The following GATAD1 variants were observed in gnomAD, a reference collection of about 807,000 sequenced individuals.
The protein encoded by GATAD1 is GATA zinc finger domain containing 1, also known as GATA zinc finger domain-containing protein 1.
A neutral mutation model predicts 26.5 loss-of-function variants in GATAD1; 12 were observed. The observed-to-expected ratio is 0.45, with a 90% CI of 0.29 to 0.73. The LOEUF is 0.73. Among genes scored for constraint, GATAD1 ranks in the 30% least tolerant of loss-of-function variants. The pLI is 0.10. For synonymous variants in GATAD1, 129 were observed against 133.1 expected (o/e 0.97, Z 0.21); for missense variants, 266 against 342.1 (o/e 0.78, Z 1.75).
Position 92,454,654 on chromosome 7 carries a change from A to T in GATAD1, c.588A>T (p.Arg196Ser). ...TCATTCCTACCCTCTCTAGCCCCAGAGACCAATTTGATCCCGCCTCCTATA... is the reference window on the plus strand; with the variant it reads ...TCATTCCTACCCTCTCTAGCCCCAGTGACCAATTTGATCCCGCCTCCTATA... ...TWLIPTLSSP[R>S]DQFDPASYII... The change falls in exon 4 of 5, where the codon AGA becomes AGT. Residue 196 changes from arginine (R) to serine (S), a missense_variant. By Grantham distance (110) the Arg-to-Ser change is moderately radical. Transcript: ENST00000287957. 6.2e-7 allele frequency: 1 copy of T among 1,602,076 alleles called. No homozygotes were observed. The highest frequency in any genetic ancestry group is 1.1e-5 in the South Asian group (1 of 87,870).
the GATAD1 span, chr7:92,494,262 G>A: frequency 6.8e-7 from 1 of 1,470,558 alleles, no homozygotes. Context: ...AGCATTTGTT[G>A]GGTTTTGGAC....
chr7:92,482,813 G>A, the GATAD1 span, among the ~76,000 whole-genome samples: 1 of 152,140 alleles, frequency 6.6e-6, no homozygotes, highest in African/African-American at 2.4e-5. Flanking sequence ...ATAAAAGAAT[G>A]TTGTCCAAGT....
rs948968239 is a variant in GATAD1, at chr7:92,447,535, TGCGGAGCCG to T, written c.-189_-181del. On this transcript the variant is annotated 5_prime_UTR_variant, in exon 1 of 5. Transcript: ENST00000287957. ...GGGCCAGGGAATCCTGGCCTCCGCC[TGCGGAGCCG>T]GCGGAACCCGCTTCCCGCCTCCACG... 8 of 568,306 alleles carry T rather than the reference TGCGGAGCCG, an allele frequency of 1.4e-5. No individual in the cohort carries two copies. Among genetic ancestry groups the T allele is most frequent in the African/African-American group, 7.9e-5 (4 of 50,344 alleles). 35.2% of individuals were successfully genotyped at this position (568,306 alleles called of 1,614,324 possible). A position where few individuals can be genotyped will look rare whatever the true frequency, so the allele number is the denominator to read the frequency against.
chr7:92,467,460 A>G, the GATAD1 span, among the ~76,000 whole-genome samples: 3 of 152,254 alleles, frequency 2.0e-5, no homozygotes, highest in African/African-American at 4.8e-5. Context: ...TTAAATTCAT[A>G]TTTATCTTTA....
Position 92,448,797 on chromosome 7 carries a change from A to G in GATAD1, c.295A>G (p.Lys99Glu). The change falls in exon 2 of 5, where the codon AAA becomes GAA. Residue 99 changes from lysine to glutamate, a missense_variant. Coordinates refer to ENST00000287957, the MANE Select transcript of GATAD1 (RefSeq NM_021167.5). The part of the protein sequence containing the change: ...HRRSARLRNT[K>E]YKSAPAAEKK... ...GAGGTCTGCTCGGCTCAGAAACACTAAATACAAATCTGCTCCGGCTGCTGA... is the reference window on the plus strand; with the variant it reads ...GAGGTCTGCTCGGCTCAGAAACACTGAATACAAATCTGCTCCGGCTGCTGA... 1 of 1,610,362 alleles carries G rather than the reference A, an allele frequency of 6.2e-7. No individual in the cohort carries two copies. The highest frequency in any genetic ancestry group is 8.5e-7 in the Non-Finnish European group (1 of 1,176,486).
chr7:92,486,555 C>T, the GATAD1 span, among the ~76,000 whole-genome samples: 19 of 152,132 alleles, frequency 1.2e-4, no homozygotes, highest in African/African-American at 4.6e-4. Context: ...TTTCTATCCC[C>T]TGGGATTCTG....
chr7:92,478,965 GTACATGAATGA>G, the GATAD1 span, among the ~76,000 whole-genome samples: 1 of 152,078 alleles, frequency 6.6e-6, no homozygotes, highest in Non-Finnish European at 1.5e-5. Flanking sequence ...TTTTTGCGGG[GTACATGAATGA>G]TACACCTGGT....
intron 2 of GATAD1, chr7:92,449,358 A>G (rs776108734): frequency 6.2e-6 from 6 of 963,952 alleles, no homozygotes; most frequent in Admixed American, 6.1e-5. Flanking sequence ...TTTGATGAAT[A>G]TGAGTCAAAA....
the GATAD1 span, among the ~76,000 whole-genome samples, chr7:92,481,059 G>A: frequency 1.3e-5 from 2 of 152,162 alleles, no homozygotes; most frequent in South Asian, 2.1e-4. Context: ...GTAGTGGAGG[G>A]GGGCAGAGCA....
the GATAD1 span, chr7:92,490,110 A>G: frequency 1.7e-6 from 1 of 597,808 alleles, no homozygotes; most frequent in South Asian, 2.0e-5. Flanking sequence ...GTGTTATAGA[A>G]CCACCATCAA....
At chr7:92,454,899 C>T (rs1789604263) in intron 4 of GATAD1, among the ~76,000 whole-genome samples, 1 of 151,984 alleles carries the variant, frequency 6.6e-6, no homozygotes, top group Non-Finnish European at 1.5e-5. Flanking sequence ...TTCTTCCTGG[C>T]ATATAGATGG....
chr7:92,489,883 G>T, the GATAD1 span: 1 of 1,614,004 alleles, frequency 6.2e-7, no homozygotes, highest in African/African-American at 1.3e-5. Context: ...CTGAGTCATG[G>T]AGCTTGGTGC....
chr7:92,476,059 A>G, the GATAD1 span, among the ~76,000 whole-genome samples: 1 of 152,190 alleles, frequency 6.6e-6, no homozygotes, highest in African/African-American at 2.4e-5. Flanking sequence ...GGGAGGAACC[A>G]TCTATCGTCC....
At chr7:92,449,683 T>C in intron 2 of GATAD1, 1 of 866,198 alleles carries the variant, frequency 1.2e-6, no homozygotes, top group Non-Finnish European at 1.4e-6. Flanking sequence ...CTTTTTTTTT[T>C]TTTAATTTAA....
chr7:92,452,544 A>G (rs1335603980), intron 3 of GATAD1, among the ~76,000 whole-genome samples: 3 of 152,170 alleles, frequency 2.0e-5, no homozygotes, highest in African/African-American at 7.2e-5. Flanking sequence ...GCAGTGGCAG[A>G]ACAACTCCAT....
the GATAD1 span, among the ~76,000 whole-genome samples, chr7:92,495,145 C>G: frequency 6.6e-6 from 1 of 152,104 alleles, no homozygotes; most frequent in African/African-American, 2.4e-5. Context: ...TAAGGGCTCT[C>G]TATAAAATAT....
the GATAD1 span, among the ~76,000 whole-genome samples, chr7:92,488,365 A>G: frequency 1.3e-5 from 2 of 152,206 alleles, no homozygotes; most frequent in African/African-American, 4.8e-5. Flanking sequence ...GTACACATAC[A>G]TACATACTTC....
In GATAD1 at chr7:92,447,599, C is replaced by T. The variant is rs905248727; in HGVS notation, c.-131C>T. On this transcript the variant is annotated 5_prime_UTR_variant, in exon 1 of 5. Coordinates refer to ENST00000287957, the MANE Select transcript of GATAD1 (RefSeq NM_021167.5). ...AGCGCCAGCGGCCTGGTCCTTTCAC[C>T]GGCAGCTCCGTGCCGACGCTCTCAC... 4.2e-5 allele frequency: 52 copies of T among 1,224,090 alleles called. No individual in the cohort carries two copies. Among genetic ancestry groups the T allele is most frequent in the Non-Finnish European group, 5.0e-5 (48 of 955,908 alleles). 75.8% of individuals were successfully genotyped at this position (1,224,090 alleles called of 1,614,324 possible).
rs974329921 is a variant in GATAD1, at chr7:92,458,795, A to G, written c.*2233A>G. 1 of 152,224 alleles carries G rather than the reference A, an allele frequency of 6.6e-6. No homozygotes were observed. Among genetic ancestry groups the G allele is most frequent in the Non-Finnish European group, 1.5e-5 (1 of 68,040 alleles). 9.4% of individuals were successfully genotyped at this position (152,224 alleles called of 1,614,324 possible). On this transcript the variant is annotated 3_prime_UTR_variant, in exon 5 of 5. Transcript: ENST00000287957. ...ATTGTAAATAACTTTCTAAGTGCCAATATTCAAAACTTTTGGATTAAAATG... is the reference window on the plus strand; with the variant it reads ...ATTGTAAATAACTTTCTAAGTGCCAGTATTCAAAACTTTTGGATTAAAATG...
Sources: gnomAD v4.1 joint callset for allele counts (sites outside exome capture counted in the v4.1 genomes callset) on GRCh38, gnomAD v4.1.1 for gene constraint, MANE v1.5 for transcripts, NCBI Gene and HGNC (gene_info 2026-07-23, HGNC 2026-07-21) for gene names.